The following CHRNA7 variants were observed in gnomAD, a reference collection of about 807,000 sequenced individuals.
CHRNA7 encodes cholinergic receptor nicotinic alpha 7 subunit, also known as neuronal acetylcholine receptor subunit alpha-7.
A neutral mutation model predicts 48.0 loss-of-function variants in CHRNA7; 17 were observed. The observed-to-expected ratio is 0.35, with a 90% confidence interval of 0.24 to 0.53. The LOEUF (loss-of-function observed/expected upper bound fraction) is 0.53. CHRNA7 is among the 20% of genes least tolerant of loss of function. The probability of loss-of-function intolerance (pLI) is 0.92; values close to 1 mark genes in which losing one functional copy is unlikely to be tolerated. For missense variants in CHRNA7, 155 were observed against 577.7 expected, an observed-to-expected ratio of 0.27 and a Z score of 7.50; for synonymous variants, 75 against 242.3, an observed-to-expected ratio of 0.31 and a Z score of 6.41.
At chr15:32,054,792 A>C (rs1043904963) in intron 2 of CHRNA7, among the ~76,000 whole-genome samples, 1 of 152,198 alleles carries the variant, frequency 6.6e-6, no homozygotes, top group African/African-American at 2.4e-5. Context: ...GTATTATTAT[A>C]TTGATGGCTA....
chr15:32,148,462 G>T (rs1199859963), intron 4 of CHRNA7, among the ~76,000 whole-genome samples: 1 of 152,210 alleles, frequency 6.6e-6, no homozygotes, highest in Non-Finnish European at 1.5e-5. Context: ...GCTGACTGAG[G>T]CAGGAGGCAA....
At chr15:32,085,748 C>T (rs1166818348) in intron 2 of CHRNA7, among the ~76,000 whole-genome samples, 1 of 152,188 alleles carries the variant, frequency 6.6e-6, no homozygotes. Context: ...ATGACATTGT[C>T]TTTGTTTATC....
intron 2 of CHRNA7, among the ~76,000 whole-genome samples, chr15:32,071,673 T>A (rs1379648641): frequency 6.6e-6 from 1 of 152,078 alleles, no homozygotes; most frequent in Non-Finnish European, 1.5e-5. Context: ...GCCTGGCACC[T>A]CCTCCTCTCT....
intron 2 of CHRNA7, among the ~76,000 whole-genome samples, chr15:32,098,353 G>T (rs1172547917): frequency 6.6e-6 from 1 of 151,222 alleles, no homozygotes; most frequent in Non-Finnish European, 1.5e-5. Flanking sequence ...AGCAGCCTCT[G>T]GGGAGGGAGG....
chr15:32,117,398 G>A (rs570061824), intron 4 of CHRNA7, among the ~76,000 whole-genome samples: 3 of 152,170 alleles, frequency 2.0e-5, no homozygotes, highest in Non-Finnish European at 4.4e-5. Flanking sequence ...GATGCTTGCA[G>A]TAGGCAGCTG....
intron 4 of CHRNA7, among the ~76,000 whole-genome samples, chr15:32,135,858 G>T (rs538207642): frequency 6.6e-6 from 1 of 152,194 alleles, no homozygotes; most frequent in African/African-American, 2.4e-5. Context: ...ACAAAGAGAT[G>T]GCAATTAGAC....
intron 2 of CHRNA7, among the ~76,000 whole-genome samples, chr15:32,039,619 G>A (rs958821953): frequency 5.9e-5 from 9 of 152,078 alleles, no homozygotes; most frequent in African/African-American, 2.2e-4. Flanking sequence ...TATTCTGATA[G>A]CAGGCAATGT....
intron 2 of CHRNA7, among the ~76,000 whole-genome samples, chr15:32,064,603 G>A (rs1011422139): frequency 6.6e-6 from 1 of 151,908 alleles, no homozygotes; most frequent in African/African-American, 2.4e-5. Context: ...TGATTTGGAT[G>A]GGAACGTATT....
At chr15:32,120,474 G>A (rs924941345) in intron 4 of CHRNA7, among the ~76,000 whole-genome samples, 1 of 151,294 alleles carries the variant, frequency 6.6e-6, no homozygotes, top group African/African-American at 2.4e-5. Flanking sequence ...GTTTACTGTC[G>A]CCTCTTGACT....
chr15:32,100,415 T>C (rs2050550316), intron 2 of CHRNA7: 1 of 152,420 alleles, frequency 6.6e-6, no homozygotes, highest in Non-Finnish European at 1.5e-5. Context: ...AATTCACTCA[T>C]TTGCCTCCTT....
At chr15:32,104,421 C>T (rs1033948954) in intron 3 of CHRNA7, among the ~76,000 whole-genome samples, 23 of 152,208 alleles carry the variant, frequency 1.5e-4, no homozygotes, top group African/African-American at 5.3e-4. Context: ...TGTACTGTCC[C>T]AAACCCTCCC....
At chr15:32,036,317 C>T (rs76549564) in intron 2 of CHRNA7, among the ~76,000 whole-genome samples, 1 of 152,196 alleles carries the variant, frequency 6.6e-6, no homozygotes, top group East Asian at 1.9e-4. Flanking sequence ...TAGCACAGTT[C>T]ATTTATCCAT....
chr15:32,102,337 G>C (rs941490245), intron 3 of CHRNA7: 3 of 152,056 alleles, frequency 2.0e-5, no homozygotes, highest in Non-Finnish European at 4.4e-5. Flanking sequence ...GTAGAGACAG[G>C]GTTTCTTCAT....
intron 2 of CHRNA7, among the ~76,000 whole-genome samples, chr15:32,087,776 G>C (rs1399191): frequency 0.96 from 145,598 of 152,284 alleles, 69,937 homozygotes; most frequent in East Asian, 1. Context: ...ACTTCATCAA[G>C]TAGAGTGCAA....
rs1293526386 is a variant in CHRNA7 at position 32,116,097 on chromosome 15, C to G, written c.350+4198C>G. ...AATATGTTCTGCTTAGTAGACTCATCTGTTAGTTCATTATGGTCTGAATGG... is the reference window on the plus strand; with the variant it reads ...AATATGTTCTGCTTAGTAGACTCATGTGTTAGTTCATTATGGTCTGAATGG... On this transcript the variant is annotated intron_variant, in intron 4 of 9. Coordinates refer to ENST00000306901, the MANE Select transcript of CHRNA7 (RefSeq NM_000746.6). 2.6e-5 allele frequency among the ~76,000 whole-genome samples: 4 copies of G among 152,304 alleles called. No individual in the cohort carries two copies. The South Asian group carries it at 6.2e-4, about 24-fold the overall frequency.
At chr15:32,088,441 A>T (rs2141242591) in intron 2 of CHRNA7, among the ~76,000 whole-genome samples, 1 of 152,274 alleles carries the variant, frequency 6.6e-6, no homozygotes, top group Non-Finnish European at 1.5e-5. Flanking sequence ...TCATTGGGTA[A>T]ATATCTAGGA....
At chr15:32,150,603 C>T (rs1455066900) in intron 4 of CHRNA7, among the ~76,000 whole-genome samples, 2 of 152,138 alleles carry the variant, frequency 1.3e-5, no homozygotes, top group African/African-American at 2.4e-5. Flanking sequence ...CATAAATTAA[C>T]ACAACGGTAG....
chr15:32,121,981 A>G (rs915591952), intron 4 of CHRNA7, among the ~76,000 whole-genome samples: 4 of 152,346 alleles, frequency 2.6e-5, no homozygotes, highest in African/African-American at 9.6e-5. Flanking sequence ...GCCTGGCCAC[A>G]GTCGCCTACT....
intron 2 of CHRNA7, among the ~76,000 whole-genome samples, chr15:32,053,490 C>A (rs1226631225): frequency 6.6e-6 from 1 of 152,124 alleles, no homozygotes; most frequent in Non-Finnish European, 1.5e-5. Flanking sequence ...CAGTTATAAA[C>A]CATTATAGCC....
Sources: allele counts gnomAD v4.1 joint callset (sites outside exome capture counted in the v4.1 genomes callset), GRCh38; gene constraint gnomAD v4.1.1; transcripts MANE v1.5; gene names NCBI Gene and HGNC (gene_info 2026-07-23, HGNC 2026-07-21).